The following PDIA5 variants were observed in gnomAD, a reference collection of about 807,000 sequenced individuals.
PDIA5 encodes the protein protein disulfide isomerase family A member 5.
Under a neutral mutation model 77.6 loss-of-function variants are expected in PDIA5, and 58 were observed. That is an observed-to-expected ratio of 0.75 (90% CI 0.61 to 0.93). The LOEUF (loss-of-function observed/expected upper bound fraction) is 0.93. Ranked by LOEUF, PDIA5 falls within the 40% of genes least tolerant of loss-of-function variation. The probability of loss-of-function intolerance (pLI) is 0.00; values close to 1 mark genes in which losing one functional copy is unlikely to be tolerated. For missense variants in PDIA5, 630 were observed against 647.7 expected, an observed-to-expected ratio of 0.97 and a Z score of 0.30; for synonymous variants, 250 against 252.1, an observed-to-expected ratio of 0.99 and a Z score of 0.08.
At chr3:123,106,674 G>T in intron 5 of PDIA5, 75 bp from the exon 6 acceptor site, 1 of 1,044,418 alleles carries the variant, frequency 9.6e-7, no homozygotes. Context: ...AGGGAAAGAG[G>T]ACAGGTTCCT....
At chr3:123,115,658 C>T (rs1223947779) in intron 7 of PDIA5, among the ~76,000 whole-genome samples, 6 of 152,236 alleles carry the variant, frequency 3.9e-5, no homozygotes, top group Non-Finnish European at 7.3e-5. Context: ...CCTGGCCTGA[C>T]GCTCTTCCCA....
At chr3:123,067,467 C>T in intron 1 of PDIA5, 2 of 388,490 alleles carry the variant, frequency 5.1e-6, no homozygotes, top group Admixed American at 4.5e-5. Context: ...AGGGTGCTTA[C>T]GCCACGGCCA....
At chr3:123,109,020 G>A (rs77442916) in intron 6 of PDIA5, among the ~76,000 whole-genome samples, 31 of 152,260 alleles carry the variant, frequency 2.0e-4, no homozygotes, top group African/African-American at 7.5e-4. Flanking sequence ...TAGCTTCTCT[G>A]GAAAGTGATT....
chr3:123,140,788 G>C (rs1193301447), intron 11 of PDIA5, among the ~76,000 whole-genome samples: 2 of 152,252 alleles, frequency 1.3e-5, no homozygotes, highest in Non-Finnish European at 2.9e-5. Context: ...TTTCCTTATA[G>C]AGGTGGGGAA....
chr3:123,098,698 C>T (rs1035219506), intron 3 of PDIA5, among the ~76,000 whole-genome samples: 2 of 147,644 alleles, frequency 1.4e-5, no homozygotes, highest in Non-Finnish European at 3.1e-5. Context: ...TGCCTCATTC[C>T]TTGGAACAGT....
At chr3:123,099,364 GC>G (rs1398828405) in intron 3 of PDIA5, among the ~76,000 whole-genome samples, 2 of 152,328 alleles carry the variant, frequency 1.3e-5, no homozygotes, top group African/African-American at 4.8e-5. Context: ...ACAAAACCAA[GC>G]CCTTGGCTTC....
chr3:123,115,829 G>T (rs1934982151), intron 7 of PDIA5, among the ~76,000 whole-genome samples: 1 of 152,272 alleles, frequency 6.6e-6, no homozygotes, highest in Non-Finnish European at 1.5e-5. Flanking sequence ...TCATTTGCAG[G>T]CCCTGCCTGG....
intron 11 of PDIA5, among the ~76,000 whole-genome samples, chr3:123,132,580 G>A (rs547476377): frequency 6.6e-6 from 1 of 152,352 alleles, no homozygotes; most frequent in South Asian, 2.1e-4. Context: ...CTAGGGCCTT[G>A]GTGAGGGCAT....
chr3:123,132,289 T>C (rs1359065362), intron 11 of PDIA5, among the ~76,000 whole-genome samples: 1 of 152,206 alleles, frequency 6.6e-6, no homozygotes, highest in Non-Finnish European at 1.5e-5. Context: ...TCCCCCACAG[T>C]ATCCATGAGT....
chr3:123,118,921 T>A (rs1303214870), intron 8 of PDIA5, among the ~76,000 whole-genome samples: 1 of 152,138 alleles, frequency 6.6e-6, no homozygotes, highest in Admixed American at 6.5e-5. Context: ...GTGGGACAGG[T>A]TATAAGGTTA....
At chr3:123,120,800 C>G (rs1935096820) in intron 8 of PDIA5, among the ~76,000 whole-genome samples, 1 of 152,086 alleles carries the variant, frequency 6.6e-6, no homozygotes, top group Non-Finnish European at 1.5e-5. Context: ...CTTTCCCCAC[C>G]CCCCACCTCC....
intron 5 of PDIA5, among the ~76,000 whole-genome samples, chr3:123,104,345 C>T (rs1934680707): frequency 6.6e-6 from 1 of 152,190 alleles, no homozygotes; most frequent in Admixed American, 6.5e-5. Flanking sequence ...TCCCTGACTG[C>T]TGATGGCTTC....
At chr3:123,130,722 C>T in intron 11 of PDIA5, 106 bp downstream of exon 11, 1 of 1,307,962 alleles carries the variant, frequency 7.6e-7, no homozygotes, top group Non-Finnish European at 1.1e-6. Flanking sequence ...TTTTTGGATG[C>T]CAGGACCCAT....
chr3:123,128,074 C>G (rs1490394899), intron 10 of PDIA5, among the ~76,000 whole-genome samples: 1 of 152,192 alleles, frequency 6.6e-6, no homozygotes, highest in East Asian at 1.9e-4. Flanking sequence ...CTCCAGTCCT[C>G]TCCCAAAAAG....
At chr3:123,087,483 A>G (rs1432520101) in intron 1 of PDIA5, among the ~76,000 whole-genome samples, 1 of 132,864 alleles carries the variant, frequency 7.5e-6, no homozygotes, top group African/African-American at 3.1e-5. Context: ...TTTTTTTTTC[A>G]ATTCTACTTC....
chr3:123,149,034 G>C (rs1293871370), intron 13 of PDIA5, among the ~76,000 whole-genome samples: 1 of 152,238 alleles, frequency 6.6e-6, no homozygotes, highest in Non-Finnish European at 1.5e-5. Context: ...AGAAAGGTCA[G>C]ATGAGTGGTG....
rs1381333779 is a variant in PDIA5, at chr3:123,067,039, G to A, written c.-126G>A. Reference sequence around the variant, plus strand: ...CATGCTTTGGCAGACGTGGCACCGGGAACTCGGAGGCGGGGAGCGGCTGGG... The same window carrying A: ...CATGCTTTGGCAGACGTGGCACCGGAAACTCGGAGGCGGGGAGCGGCTGGG... On this transcript the variant is annotated 5_prime_UTR_variant, in exon 1 of 17. Transcript: ENST00000316218. 1.3e-6 allele frequency: 1 copy of A among 760,784 alleles called. No individual in the cohort carries two copies. Among genetic ancestry groups the A allele is most frequent in the African/African-American group, 1.8e-5 (1 of 55,552 alleles). The allele number at this position is 760,784 out of a possible 1,614,324, so 47.1% of individuals were successfully genotyped here.
intron 7 of PDIA5, among the ~76,000 whole-genome samples, 179 bp from the exon 8 acceptor site, chr3:123,116,052 G>A (rs1271457172): frequency 2.0e-5 from 3 of 152,194 alleles, no homozygotes; most frequent in Non-Finnish European, 4.4e-5. Context: ...TAAGCTCTTT[G>A]GGGGCTGAGA....
At chr3:123,076,770 G>A (rs1290465044) in intron 1 of PDIA5, among the ~76,000 whole-genome samples, 1 of 152,134 alleles carries the variant, frequency 6.6e-6, no homozygotes, top group Non-Finnish European at 1.5e-5. Context: ...GTTCTTCCTC[G>A]TTAACAGGCC....
Sources: allele counts gnomAD v4.1 joint callset (sites outside exome capture counted in the v4.1 genomes callset), GRCh38; gene constraint gnomAD v4.1.1; transcripts MANE v1.5; gene names NCBI Gene and HGNC (gene_info 2026-07-23, HGNC 2026-07-21).